KDM4C: variants seen among roughly 807,000 people sequenced by gnomAD.
The protein encoded by KDM4C is lysine demethylase 4C.
A neutral mutation model predicts 129.3 loss-of-function variants in KDM4C; 81 were observed. The observed-to-expected ratio is 0.63, with a 90% CI of 0.52 to 0.75. The LOEUF is 0.75. Ranked by LOEUF, KDM4C falls within the 30% of genes least tolerant of loss-of-function variation. The pLI is 0.00. For synonymous variants in KDM4C, 573 were observed against 456.1 expected (o/e 1.26, Z -3.26); for missense variants, 1,457 against 1,304.0 (o/e 1.12, Z -1.81).
At position 7,165,427 on chromosome 9, in the gene KDM4C, G is replaced by A. The variant is rs10976082; in HGVS notation, c.2901+70G>A. The A allele has an allele frequency of 4.0e-3, 6,129 of 1,529,194 alleles. 205 individuals carry two copies. In the African/African-American group the frequency reaches 0.077, roughly 19 times the overall value. 94.7% of individuals were successfully genotyped at this position (1,529,194 alleles called of 1,614,324 possible). On this transcript the variant is annotated intron_variant, in intron 20 of 21. Coordinates refer to ENST00000381309, the MANE Select transcript of KDM4C (RefSeq NM_015061.6). ...AAGTCAGAAGGAGATAGTATCTCAA[G>A]TGTGCTGCTGAACAATAAGCCACAT...
At chr9:7,134,117 A>G (rs1206956923) in intron 19 of KDM4C, among the ~76,000 whole-genome samples, 1 of 152,120 alleles carries the variant, frequency 6.6e-6, no homozygotes, top group East Asian at 1.9e-4. Context: ...ATCAGTGGAC[A>G]TTTGCCAGAG....
intron 1 of KDM4C, among the ~76,000 whole-genome samples, chr9:6,779,824 TG>T (rs1823930797): frequency 6.6e-6 from 1 of 152,220 alleles, no homozygotes. Context: ...AAATACCAGA[TG>T]TGCATCACAT....
chr9:6,936,861 C>A (rs1824891618), intron 8 of KDM4C, among the ~76,000 whole-genome samples: 2 of 152,126 alleles, frequency 1.3e-5, no homozygotes, highest in African/African-American at 4.8e-5. Context: ...TAAGACCTCC[C>A]CTACAGAGCT....
intron 3 of KDM4C, among the ~76,000 whole-genome samples, chr9:6,810,969 A>G (rs1251706986): frequency 6.6e-6 from 1 of 152,170 alleles, no homozygotes; most frequent in Non-Finnish European, 1.5e-5. Flanking sequence ...TTTGAAATTC[A>G]TATTTTTTGT....
rs757923640 is a variant in KDM4C at position 6,984,336 on chromosome 9, CAGA to C, written c.1293_1295del (p.Glu432del). On this transcript the variant is annotated inframe_deletion, in exon 10 of 22. Coordinates refer to ENST00000381309, the MANE Select transcript of KDM4C (RefSeq NM_015061.6). The stretch of plus-strand genomic sequence containing the variant: ...AAGCTGAGGAACACAGAAGCATCTT[CAGA>C]AGAAGAGTCATCTGCTAGCAGGATG... The C allele has an allele frequency of 1.9e-6, 3 of 1,613,892 alleles. No homozygotes were observed. Among genetic ancestry groups the C allele is most frequent in the African/African-American group, 2.7e-5 (2 of 74,918 alleles).
intron 8 of KDM4C, among the ~76,000 whole-genome samples, chr9:6,948,793 G>T (rs1429229110): frequency 6.6e-6 from 1 of 152,082 alleles, no homozygotes; most frequent in African/African-American, 2.4e-5. Flanking sequence ...GAGAGCACCG[G>T]GTTGGGGGTA....
At chr9:7,147,239 A>G (rs1842298542) in intron 19 of KDM4C, among the ~76,000 whole-genome samples, 1 of 152,208 alleles carries the variant, frequency 6.6e-6, no homozygotes, top group African/African-American at 2.4e-5. Flanking sequence ...TCTTGGAAGC[A>G]GTACATGCAT....
intron 1 of KDM4C, among the ~76,000 whole-genome samples, chr9:6,766,690 C>G (rs916943228): frequency 2.0e-5 from 3 of 151,902 alleles, no homozygotes; most frequent in Admixed American, 1.3e-4. Flanking sequence ...GTCTCGGTCC[C>G]TGGGAAAGCA....
Position 6,779,032 on chromosome 9 carries a change from C to CTTTTTTTTTTTTTTT in KDM4C, c.-17-13926_-17-13925insTTTTTTTTTTTTTTT, listed in dbSNP as rs60503128. 1.1e-4 allele frequency among the ~76,000 whole-genome samples: 10 copies of CTTTTTTTTTTTTTTT among 94,624 alleles called. 1 individual carries two copies. Among genetic ancestry groups the CTTTTTTTTTTTTTTT allele is most frequent in the African/African-American group, 4.6e-4 (9 of 19,390 alleles). 62.1% of individuals were successfully genotyped at this position (94,624 alleles called of 152,430 possible). On this transcript the variant is annotated intron_variant, in intron 1 of 21. Coordinates refer to ENST00000381309, the MANE Select transcript of KDM4C (RefSeq NM_015061.6). ...CTACCTCACCAGGCCTGATTAAAGT[C>CTTTTTTTTTTTTTTT]TTTTTTTTTTTTTTGAGATGGAGTC...
intron 1 of KDM4C, among the ~76,000 whole-genome samples, chr9:6,767,559 C>A (rs1029168492): frequency 4.6e-5 from 7 of 152,080 alleles, no homozygotes; most frequent in African/African-American, 1.7e-4. Flanking sequence ...CTCAGTCTCC[C>A]GAGTAGCTGG....
intron 8 of KDM4C, among the ~76,000 whole-genome samples, chr9:6,948,905 A>ATCTGATTTC (rs1389416531): frequency 1.3e-5 from 2 of 152,084 alleles, no homozygotes; most frequent in African/African-American, 2.4e-5. Flanking sequence ...TGCAGCAACA[A>ATCTGATTTC]TCTGATTTCT....
chr9:7,116,567 C>T (rs1005917440), intron 18 of KDM4C, among the ~76,000 whole-genome samples: 14 of 152,242 alleles, frequency 9.2e-5, no homozygotes, highest in African/African-American at 2.6e-4. Context: ...GTGCTGGGTA[C>T]GTGGGTCCAC....
At position 6,935,559 on chromosome 9, in the gene KDM4C, A is replaced by G. The variant is rs1362683205; in HGVS notation, c.921+42327A>G. Among the ~76,000 whole-genome samples, 3 of 151,216 alleles carry G rather than the reference A, an allele frequency of 2.0e-5. No individual in the cohort carries two copies. The East Asian group carries it at 5.8e-4, about 29-fold the overall frequency. On this transcript the variant is annotated intron_variant, in intron 8 of 21. Coordinates refer to ENST00000381309, the MANE Select transcript of KDM4C (RefSeq NM_015061.6). ...TGGCCTCCCAAGTAGCTGGGATTACAGGTGCGCGCCACCACGCCCGGCTAA... is the reference window on the plus strand; with the variant it reads ...TGGCCTCCCAAGTAGCTGGGATTACGGGTGCGCGCCACCACGCCCGGCTAA...
chr9:6,772,340 G>A (rs992630762), intron 1 of KDM4C, among the ~76,000 whole-genome samples: 2 of 150,882 alleles, frequency 1.3e-5, no homozygotes, highest in African/African-American at 4.9e-5. Flanking sequence ...GTAGAGACGG[G>A]GTTTCACCAT....
chr9:6,783,969 A>T (rs1257871429), intron 1 of KDM4C, among the ~76,000 whole-genome samples: 1 of 152,132 alleles, frequency 6.6e-6, no homozygotes, highest in Non-Finnish European at 1.5e-5. Flanking sequence ...AGGGGACATG[A>T]CATACAGGAA....
intron 5 of KDM4C, among the ~76,000 whole-genome samples, chr9:6,856,819 G>A (rs1299649495): frequency 1.0e-4 from 15 of 148,222 alleles, no homozygotes; most frequent in East Asian, 4.0e-4. Context: ...CTGCAGTGGC[G>A]CAATCTCGGC....
At chr9:6,757,213 C>T (rs1588076232), upstream of KDM4C, among the ~76,000 whole-genome samples, 1 of 152,270 alleles carries the variant, frequency 6.6e-6, no homozygotes, top group African/African-American at 2.4e-5. Flanking sequence ...GCTGGAGGCA[C>T]CTGCATTTCT....
chr9:6,756,090 T>C (rs1255030064), upstream of KDM4C, among the ~76,000 whole-genome samples: 1 of 152,224 alleles, frequency 6.6e-6, no homozygotes, highest in Non-Finnish European at 1.5e-5. Context: ...CCAGATTTTT[T>C]ATTCTGGTGC....
chr9:6,921,409 G>A (rs1324920704), intron 8 of KDM4C, among the ~76,000 whole-genome samples: 1 of 152,142 alleles, frequency 6.6e-6, no homozygotes, highest in Non-Finnish European at 1.5e-5. Context: ...TCATTTAGTG[G>A]CAACTCTGTT....
Sources: gnomAD v4.1 joint callset for allele counts (sites outside exome capture counted in the v4.1 genomes callset) on GRCh38, gnomAD v4.1.1 for gene constraint, MANE v1.5 for transcripts, NCBI Gene and HGNC (gene_info 2026-07-23, HGNC 2026-07-21) for gene names.